Variants in PCDHGC3 observed in about 807,000 individuals in gnomAD.
The protein encoded by PCDHGC3 is protocadherin gamma subfamily C, 3, also known as protocadherin gamma-C3.
PCDHGC3 carries 26 observed loss-of-function variants against 59.2 expected under a neutral mutation model. The observed-to-expected ratio is 0.44, with a 90% CI of 0.32 to 0.61. The LOEUF (loss-of-function observed/expected upper bound fraction) is 0.61, where lower values mean the gene tolerates loss of function less well. PCDHGC3 is among the 20% of genes least tolerant of loss of function. The pLI is 0.05. For synonymous variants in PCDHGC3, 487 were observed against 519.7 expected (o/e 0.94, Z 0.86); for missense variants, 1,080 against 1,221.8 (o/e 0.88, Z 1.73).
Position 141,489,267 on chromosome 5 carries a change from C to G in PCDHGC3, c.2431-5540C>G. 6.4e-7 allele frequency: 1 copy of G among 1,553,302 alleles called. No homozygotes were observed. Among genetic ancestry groups the G allele is most frequent in the Non-Finnish European group, 8.7e-7 (1 of 1,149,864 alleles). The stretch of plus-strand genomic sequence containing the variant: ...TGGGGCCCAAGACACTCCCACAGCT[C>G]GCTGGGAAATGGCAAGTGCTGTGCA... On this transcript the variant is annotated intron_variant, in intron 1 of 3. Coordinates refer to ENST00000308177, the MANE Select transcript of PCDHGC3 (RefSeq NM_002588.4). The surrounding 1 kb of genome is among the most constrained non-coding windows in gnomAD (Gnocchi z 4.5).
At chr5:141,505,827 TCA>T (rs1197972266) in intron 3 of PCDHGC3, among the ~76,000 whole-genome samples, 4 of 152,072 alleles carry the variant, frequency 2.6e-5, no homozygotes, top group South Asian at 4.1e-4. Context: ...TCTCTAAACC[TCA>T]GTTTCCTCAG....
At chr5:141,481,811 G>T (rs1050821120) in intron 1 of PCDHGC3, among the ~76,000 whole-genome samples, 3 of 151,892 alleles carry the variant, frequency 2.0e-5, no homozygotes, top group Admixed American at 1.3e-4. Flanking sequence ...AATTCACCAG[G>T]CGTGGTGGCT....
rs761831761 is a variant in PCDHGC3 at position 141,485,471 on chromosome 5, G to A, written c.2430+6925G>A. The A allele has an allele frequency of 4.3e-6, 7 of 1,614,144 alleles. No homozygotes were observed. The Admixed American group carries it at 5.0e-5, about 12-fold the overall frequency. On this transcript the variant is annotated intron_variant, in intron 1 of 3. Transcript: ENST00000308177. This position sits in a 1 kb window ranked among gnomAD's most constrained non-coding sequence, Gnocchi z 5.7. ...CCGAGAGGCACTGTGTGGGCTCAGT[G>A]CCAGCTGCATCGTGCCCCTGGAGTT...
Position 141,503,010 on chromosome 5 carries a change from AT to A in PCDHGC3, c.2490-2371del, listed in dbSNP as rs199924715. ...AGGCGTGTGCCACCATGCCCGGTTA[AT>A]TTTTTTTTTTTAATATCTATTTTAG... On this transcript the variant is annotated intron_variant, in intron 2 of 3. Coordinates refer to ENST00000308177, the MANE Select transcript of PCDHGC3 (RefSeq NM_002588.4). Among the ~76,000 whole-genome samples the A allele has an allele frequency of 6.8e-3, 997 of 146,562 alleles. 9 individuals are homozygous for A. The highest frequency in any genetic ancestry group is 0.023 in the African/African-American group (916 of 39,838).
intron 2 of PCDHGC3, among the ~76,000 whole-genome samples, chr5:141,502,109 C>G (rs2099812899): frequency 1.3e-5 from 2 of 152,182 alleles, no homozygotes; most frequent in Admixed American, 1.3e-4. Flanking sequence ...ACCCTGCACC[C>G]TCAGCCAGGC....
chr5:141,510,804 T>C (rs965530116), intron 3 of PCDHGC3, 143 bp from the exon 4 acceptor site: 2 of 1,504,768 alleles, frequency 1.3e-6, no homozygotes, highest in Admixed American at 2.0e-5. Flanking sequence ...AGAGACTACC[T>C]TGGTGACCCC....
At position 141,486,418 on chromosome 5, in the gene PCDHGC3, A is replaced by G. The variant is rs1174910867; in HGVS notation, c.2430+7872A>G. On this transcript the variant is annotated intron_variant, in intron 1 of 3. Transcript: ENST00000308177. This position sits in a 1 kb window ranked among gnomAD's most constrained non-coding sequence, Gnocchi z 5.0. ...TGGTGACTGCTGGACCCTTGGATCG[A>G]GAGGCCAAATCTAGCTATGACATCA... is the stretch of plus-strand genomic sequence containing the variant. The G allele has an allele frequency of 3.7e-6, 6 of 1,614,176 alleles. No individual in the cohort carries two copies. Among genetic ancestry groups the G allele is most frequent in the Non-Finnish European group, 5.1e-6 (6 of 1,180,020 alleles).
At position 141,477,596 on chromosome 5, in the gene PCDHGC3, T is replaced by G. The variant is rs1364779381; in HGVS notation, c.1480T>G (p.Phe494Val). Reference protein sequence around the residue: ...PDAPQNARLSFFLLEQGAETG... With the variant: ...PDAPQNARLSVFLLEQGAETG... ...CGCCCCGCAGAATGCTCGGCTTTCTTTCTTTCTCTTGGAGCAAGGAGCTGA... is the reference window on the plus strand; with the variant it reads ...CGCCCCGCAGAATGCTCGGCTTTCTGTCTTTCTCTTGGAGCAAGGAGCTGA... The change falls in exon 1 of 4, where the codon TTC becomes GTC. Residue 494 changes from phenylalanine (F) to valine (V), a missense_variant. Physicochemically the swap from Phe to Val is conservative, Grantham distance 50 (BLOSUM62 -1). Transcript: ENST00000308177. This position sits in a 1 kb window ranked among gnomAD's most constrained non-coding sequence, Gnocchi z 4.9. The G allele has an allele frequency of 6.2e-7, 1 of 1,614,184 alleles. No individual in the cohort carries two copies. The highest frequency in any genetic ancestry group is 1.1e-5 in the South Asian group (1 of 91,086).
rs1430298222 is a variant in PCDHGC3, at chr5:141,476,741, A to C, written c.625A>C (p.Ser209Arg). Reference protein sequence around the residue: ...ERALDREREPSLQLVLTALDG... With the variant: ...ERALDREREPRLQLVLTALDG... ...CGCCCTGGACCGAGAACGGGAGCCTAGTCTCCAGTTAGTGCTGACGGCGTT... is the reference window on the plus strand; with the variant it reads ...CGCCCTGGACCGAGAACGGGAGCCTCGTCTCCAGTTAGTGCTGACGGCGTT... The change falls in exon 1 of 4, where the codon AGT becomes CGT. Residue 209 changes from serine to arginine, a missense_variant. Physicochemically the swap from Ser to Arg is moderately radical, Grantham distance 110. Coordinates refer to ENST00000308177, the MANE Select transcript of PCDHGC3 (RefSeq NM_002588.4). The surrounding 1 kb of genome is among the most constrained non-coding windows in gnomAD (Gnocchi z 7.6). 1 of 1,613,936 alleles carries C rather than the reference A, an allele frequency of 6.2e-7. No homozygotes were observed. Among genetic ancestry groups the C allele is most frequent in the South Asian group, 1.1e-5 (1 of 91,088 alleles).
In PCDHGC3 at chr5:141,505,470, C is replaced by T. The variant is rs1241228956; in HGVS notation, c.2567C>T (p.Ala856Val). Reference protein sequence around the residue: ...DTEMLQAMILASASEAADGSS... With the variant: ...DTEMLQAMILVSASEAADGSS... ...GAGATGCTGCAAGCCATGATCTTGG[C>T]GTCCGCCAGTGGTAAGTGGTGTCAG... The change falls in exon 3 of 4, where the codon GCG becomes GTG. Residue 856 changes from alanine (A) to valine (V), a missense_variant. By Grantham distance (64) the Ala-to-Val change is moderately conservative. Transcript: ENST00000308177. 2 of 1,614,068 alleles carry T rather than the reference C, an allele frequency of 1.2e-6. No individual in the cohort carries two copies. Among genetic ancestry groups the T allele is most frequent in the Non-Finnish European group, 8.5e-7 (1 of 1,180,010 alleles).
chr5:141,501,852 A>G (rs922276780), intron 2 of PCDHGC3, among the ~76,000 whole-genome samples: 2 of 151,924 alleles, frequency 1.3e-5, no homozygotes, highest in African/African-American at 4.8e-5. Context: ...TCAACCTTCA[A>G]CCATTTCCCA....
At chr5:141,506,462 AAAAG>A (rs1396142744) in intron 3 of PCDHGC3, among the ~76,000 whole-genome samples, 1 of 151,856 alleles carries the variant, frequency 6.6e-6, no homozygotes, top group African/African-American at 2.4e-5. Flanking sequence ...AAAAAAAAAA[AAAAG>A]AGCACAGGCT....
chr5:141,497,031 A>G (rs898409925), intron 2 of PCDHGC3, among the ~76,000 whole-genome samples: 14 of 152,184 alleles, frequency 9.2e-5, no homozygotes, highest in African/African-American at 3.4e-4. Context: ...TCGATTAAAA[A>G]TACAAAAATT....
At position 141,477,761 on chromosome 5, in the gene PCDHGC3, AC is replaced by A. The variant is rs754006143; in HGVS notation, c.1647del (p.Asn550ThrfsTer4). ...CGATGGGGGCACCCCGGTCCTAGCC[AC>A]CAACATCAGCGTGAACATATTTGTC... ...ISDGGTPVLA[T>X]NISVNIFVTD... On this transcript the variant is annotated frameshift_variant, in exon 1 of 4. Coordinates refer to ENST00000308177, the MANE Select transcript of PCDHGC3 (RefSeq NM_002588.4). LOFTEE classifies it high-confidence loss of function. This position sits in a 1 kb window ranked among gnomAD's most constrained non-coding sequence, Gnocchi z 4.9. 5 of 1,613,854 alleles carry A rather than the reference AC, an allele frequency of 3.1e-6. No homozygotes were observed. Among genetic ancestry groups the A allele is most frequent in the Non-Finnish European group, 4.2e-6 (5 of 1,180,044 alleles).
chr5:141,487,590 C>G lies in PCDHGC3; in HGVS notation c.2431-7217C>G. 1 of 1,614,160 alleles carries G rather than the reference C, an allele frequency of 6.2e-7. No homozygotes were observed. Among genetic ancestry groups the G allele is most frequent in the Non-Finnish European group, 8.5e-7 (1 of 1,180,040 alleles). ...GAGCCTGTTCGCCCAAGCTGCCCACCCTCTGATCTTCTCTATGGGCTAGAG... is the reference window on the plus strand; with the variant it reads ...GAGCCTGTTCGCCCAAGCTGCCCACGCTCTGATCTTCTCTATGGGCTAGAG... On this transcript the variant is annotated intron_variant, in intron 1 of 3. Transcript: ENST00000308177. The surrounding 1 kb of genome is among the most constrained non-coding windows in gnomAD (Gnocchi z 5.0).
In PCDHGC3 at chr5:141,477,532, C is replaced by T. The variant is rs754570150; in HGVS notation, c.1416C>T (p.Pro472=). Residue 472 remains proline, a synonymous_variant, in exon 1 of 4, where the codon CCC becomes CCT. Transcript: ENST00000308177. This position sits in a 1 kb window ranked among gnomAD's most constrained non-coding sequence, Gnocchi z 4.9. ...TTTACATTGAAGAAAACAACCTCCC[C>T]GGGGCTCCAATACTAAACCTAAGTG... ...YDVYIEENNL[P]GAPILNLSVW... is the part of the protein sequence containing the mutation. 2.5e-6 allele frequency: 4 copies of T among 1,614,028 alleles called. No individual in the cohort carries two copies. Among genetic ancestry groups the T allele is most frequent in the Admixed American group, 1.7e-5 (1 of 60,000 alleles).
intron 2 of PCDHGC3, among the ~76,000 whole-genome samples, chr5:141,502,431 G>A (rs998074347): frequency 1.3e-5 from 2 of 151,948 alleles, no homozygotes; most frequent in African/African-American, 4.8e-5. Context: ...TTCTCTGATG[G>A]TTAGATTCAG....
Position 141,491,405 on chromosome 5 carries a change from A to C in PCDHGC3, c.2431-3402A>C. 6.2e-7 allele frequency: 1 copy of C among 1,614,096 alleles called. No individual in the cohort carries two copies. Among genetic ancestry groups the C allele is most frequent in the Non-Finnish European group, 8.5e-7 (1 of 1,179,998 alleles). On this transcript the variant is annotated intron_variant, in intron 1 of 3. Coordinates refer to ENST00000308177, the MANE Select transcript of PCDHGC3 (RefSeq NM_002588.4). This position sits in a 1 kb window ranked among gnomAD's most constrained non-coding sequence, Gnocchi z 6.9. ...GCGAAGTGCCTTCAGGGAAACGCAG[A>C]CGGGGACGGGGGTGGAGGGCAGTGC... is the stretch of plus-strand genomic sequence containing the variant.
intron 1 of PCDHGC3, among the ~76,000 whole-genome samples, chr5:141,482,127 T>C (rs2099553382): frequency 6.6e-6 from 1 of 151,774 alleles, no homozygotes; most frequent in African/African-American, 2.4e-5. Flanking sequence ...GGGAGAATCA[T>C]ATGGCTGGCA....
Sources: allele counts gnomAD v4.1 joint callset (sites outside exome capture counted in the v4.1 genomes callset), GRCh38; gene constraint gnomAD v4.1.1; non-coding constraint Gnocchi (gnomAD v3.1); transcripts MANE v1.5; gene names NCBI Gene and HGNC (gene_info 2026-07-23, HGNC 2026-07-21).